HIP1: variants seen among roughly 807,000 people sequenced by gnomAD.
HIP1 encodes huntingtin-interacting protein 1.
Under a neutral mutation model 147.6 loss-of-function variants are expected in HIP1, and 65 were observed. The ratio of observed to expected loss-of-function variants is 0.44; its 90% CI spans 0.36 to 0.54. The LOEUF (loss-of-function observed/expected upper bound fraction) is 0.54, where lower values mean the gene tolerates loss of function less well. Among genes scored for constraint, HIP1 ranks in the 20% least tolerant of loss-of-function variants. The probability of loss-of-function intolerance (pLI) is 0.00; values close to 1 mark genes in which losing one functional copy is unlikely to be tolerated. For synonymous variants in HIP1, 479 were observed against 504.0 expected, an observed-to-expected ratio of 0.95 and a Z score of 0.67; for missense variants, 1,061 against 1,299.6, an observed-to-expected ratio of 0.82 and a Z score of 2.82.
intron 1 of HIP1, among the ~76,000 whole-genome samples, chr7:75,606,802 C>A (rs1797241237): frequency 6.6e-6 from 1 of 152,150 alleles, no homozygotes; most frequent in African/African-American, 2.4e-5. Context: ...AGTGCTTAGA[C>A]CAGGCCCCTT....
intron 26 of HIP1, 142 bp downstream of exon 26, chr7:75,544,946 C>T: frequency 2.7e-6 from 2 of 749,260 alleles, no homozygotes; most frequent in South Asian, 3.4e-5. Flanking sequence ...GCCAGGCTCC[C>T]TTGTAAACTC....
intron 1 of HIP1, among the ~76,000 whole-genome samples, chr7:75,711,299 A>T (rs1801159494): frequency 1.3e-5 from 2 of 152,196 alleles, no homozygotes; most frequent in Admixed American, 1.3e-4. Context: ...AAAGTATCAC[A>T]ATTACACTGC....
At chr7:75,671,775 A>ATC (rs200319249) in intron 1 of HIP1, among the ~76,000 whole-genome samples, 1 of 151,386 alleles carries the variant, frequency 6.6e-6, no homozygotes, top group African/African-American at 2.4e-5. Flanking sequence ...GTCTCGCTCT[A>ATC]CCAGGCTGGA....
intron 1 of HIP1, among the ~76,000 whole-genome samples, chr7:75,732,817 C>T (rs141730454): frequency 2.3e-4 from 35 of 152,228 alleles, no homozygotes; most frequent in Non-Finnish European, 3.5e-4. Flanking sequence ...GTGGTGAACA[C>T]GACAAGTCCT....
intron 1 of HIP1, among the ~76,000 whole-genome samples, chr7:75,719,596 A>G (rs768284089): frequency 6.6e-6 from 1 of 151,900 alleles, no homozygotes; most frequent in South Asian, 2.1e-4. Context: ...CATGCTTTCT[A>G]TCGTTTAATC....
intron 1 of HIP1, among the ~76,000 whole-genome samples, chr7:75,714,149 C>T (rs1554520360): frequency 6.6e-6 from 1 of 151,656 alleles, no homozygotes; most frequent in African/African-American, 2.4e-5. Flanking sequence ...AAGTGATTCT[C>T]CTGCCTCAGC....
chr7:75,586,062 C>T (rs1796262518), intron 5 of HIP1, among the ~76,000 whole-genome samples: 1 of 152,058 alleles, frequency 6.6e-6, no homozygotes, highest in African/African-American at 2.4e-5. Flanking sequence ...GATCCTCCAG[C>T]CTCGACCTCC....
At chr7:75,618,027 C>T (rs1401718239) in intron 1 of HIP1, among the ~76,000 whole-genome samples, 3 of 152,254 alleles carry the variant, frequency 2.0e-5, no homozygotes, top group African/African-American at 4.8e-5. Context: ...GGAAGCCTTC[C>T]GGATAGGCAG....
In HIP1 at chr7:75,595,246, TTC is replaced by T. The variant is rs1485858411; in HGVS notation, c.185-2734_185-2733del. Reference sequence around the variant, plus strand: ...TTTCTTTCTTTCTTTCTTTCTTTCTTTCTTTCTTCCTTCCTTCCTTCCTTCCT... The same window carrying T: ...TTTCTTTCTTTCTTTCTTTCTTTCTTTTTCTTCCTTCCTTCCTTCCTTCCT... On this transcript the variant is annotated intron_variant, in intron 2 of 30. Coordinates refer to ENST00000336926, the MANE Select transcript of HIP1 (RefSeq NM_005338.7). 2.2e-3 allele frequency among the ~76,000 whole-genome samples: 252 copies of T among 113,286 alleles called. 5 individuals carry two copies. The highest frequency in any genetic ancestry group is 8.5e-3 in the African/African-American group (218 of 25,778). 74.3% of individuals were successfully genotyped at this position (113,286 alleles called of 152,430 possible). A position where few individuals can be genotyped will look rare whatever the true frequency, so the allele number is the denominator to read the frequency against.
chr7:75,637,800 A>G (rs1554509884), intron 1 of HIP1, among the ~76,000 whole-genome samples: 2 of 151,848 alleles, frequency 1.3e-5, no homozygotes, highest in Admixed American at 1.3e-4. Context: ...CCCTGTCATC[A>G]GCCCCCATCC....
At chr7:75,545,392 A>G (rs1378407615) in intron 25 of HIP1, among the ~76,000 whole-genome samples, 1 of 152,218 alleles carries the variant, frequency 6.6e-6, no homozygotes, top group African/African-American at 2.4e-5. Flanking sequence ...CTGTAATCCC[A>G]GCACTTTGGG....
Position 75,548,955 on chromosome 7 carries a change from T to C in HIP1, c.2342A>G (p.Asp781Gly). 3 of 1,613,988 alleles carry C rather than the reference T, an allele frequency of 1.9e-6. No homozygotes were observed. In the South Asian group the frequency reaches 3.3e-5, roughly 18 times the overall value. Reference protein sequence around the residue: ...GLDIKQEELGDLVDKEMAATS... With the variant: ...GLDIKQEELGGLVDKEMAATS... ...GGCCGCCATCTCCTTGTCCACCAGG[T>C]CCCCCAGCTCCTCCTGCTTGATGTC... The change falls in exon 23 of 31, where the codon GAC (aspartate) becomes GGC (glycine). Residue 781 changes from aspartate to glycine, a missense_variant. By Grantham distance (94) the Asp-to-Gly change is moderately conservative (BLOSUM62 -1). Coordinates refer to ENST00000336926, the MANE Select transcript of HIP1 (RefSeq NM_005338.7).
At chr7:75,662,744 G>T (rs894554275) in intron 1 of HIP1, among the ~76,000 whole-genome samples, 13 of 152,106 alleles carry the variant, frequency 8.5e-5, no homozygotes, top group Non-Finnish European at 1.6e-4. Context: ...GACCTCAAAT[G>T]ATCCATCCTC....
At chr7:75,609,485 C>T (rs1797346500) in intron 1 of HIP1, among the ~76,000 whole-genome samples, 2 of 152,142 alleles carry the variant, frequency 1.3e-5, no homozygotes, top group Non-Finnish European at 2.9e-5. Flanking sequence ...CTCCACCATA[C>T]ACGCTCCCTC....
rs1395657289 is a variant in HIP1 at position 75,601,120 on chromosome 7, T to C, written c.121-1873A>G. 2.7e-5 allele frequency among the ~76,000 whole-genome samples: 4 copies of C among 149,450 alleles called. 1 individual carries two copies. In the South Asian group the frequency reaches 8.5e-4, roughly 32 times the overall value. On this transcript the variant is annotated intron_variant, in intron 1 of 30. Transcript: ENST00000336926. ...TTGTGGTTAATTTTTAAAGAGTTTG[T>C]TTTTTTTTTAAACAGGTTCATTCTG...
Position 75,557,705 on chromosome 7 carries a change from T to C in HIP1, c.1530A>G (p.Lys510=), listed in dbSNP as rs144294774. 7.0e-4 allele frequency: 1,127 copies of C among 1,614,174 alleles called. 7 individuals carry two copies. The African/African-American group carries it at 0.012, about 17-fold the overall frequency. Residue 510 remains lysine (K), a synonymous_variant, in exon 16 of 31, where the codon AAA becomes AAG. Transcript: ENST00000336926. ...RQAQVDLERE[K]KELEDSLERI... ...GCTCCAACGAATCCTCCAGCTCTTTTTTCTCTCGTTCCAAATCTACCTGGG... is the reference window on the plus strand; with the variant it reads ...GCTCCAACGAATCCTCCAGCTCTTTCTTCTCTCGTTCCAAATCTACCTGGG...
intron 6 of HIP1, among the ~76,000 whole-genome samples, chr7:75,581,525 T>C (rs1264750188): frequency 1.3e-5 from 2 of 152,202 alleles, no homozygotes; most frequent in Non-Finnish European, 2.9e-5. Flanking sequence ...ACGCCTGTAA[T>C]CCCAGCACTT....
In HIP1 at chr7:75,736,678, C is replaced by T. The variant is rs886514044; in HGVS notation, c.120+2123G>A. Among the ~76,000 whole-genome samples, 3 of 152,172 alleles carry T rather than the reference C, an allele frequency of 2.0e-5. No homozygotes were observed. In the East Asian group the frequency reaches 5.8e-4, roughly 29 times the overall value. On this transcript the variant is annotated intron_variant, in intron 1 of 30. Coordinates refer to ENST00000336926, the MANE Select transcript of HIP1 (RefSeq NM_005338.7). ...GGAAAACTTCCTTCTTTTCAGGGGTCGGGTCCATGAAACCAGAGAACAAGC... is the reference window on the plus strand; with the variant it reads ...GGAAAACTTCCTTCTTTTCAGGGGTTGGGTCCATGAAACCAGAGAACAAGC...
intron 9 of HIP1, among the ~76,000 whole-genome samples, chr7:75,566,759 G>C (rs1333224670): frequency 6.6e-6 from 1 of 151,372 alleles, no homozygotes; most frequent in African/African-American, 2.5e-5. Context: ...GGACATGGGG[G>C]ATGAGGAAAA....
Sources: allele counts gnomAD v4.1 joint callset (sites outside exome capture counted in the v4.1 genomes callset), GRCh38; gene constraint gnomAD v4.1.1; transcripts MANE v1.5; gene names NCBI Gene and HGNC (gene_info 2026-07-23, HGNC 2026-07-21).